MYBBP1A: variants seen among roughly 807,000 people sequenced by gnomAD.
MYBBP1A encodes the protein myb-binding protein 1A.
Under a neutral mutation model 136.3 loss-of-function variants are expected in MYBBP1A, and 147 were observed. The observed-to-expected ratio is 1.08, with a 90% confidence interval of 0.94 to 1.24. The LOEUF is 1.24. Ranked by LOEUF, MYBBP1A falls within the 50% of genes most tolerant of loss-of-function variation. The probability of loss-of-function intolerance (pLI) is 0.00; values close to 1 mark genes in which losing one functional copy is unlikely to be tolerated. For missense variants in MYBBP1A, 2,060 were observed against 1,727.4 expected (o/e 1.19, Z -3.41); for synonymous variants, 947 against 735.8 (o/e 1.29, Z -4.65).
At chr17:4,551,338 A>G (rs916876666) in intron 8 of MYBBP1A, among the ~76,000 whole-genome samples, 2 of 152,238 alleles carry the variant, frequency 1.3e-5, no homozygotes, top group African/African-American at 4.8e-5. Flanking sequence ...GCGGGGGCGG[A>G]GAGAGGTCTG....
intron 13 of MYBBP1A, among the ~76,000 whole-genome samples, chr17:4,547,289 G>C (rs1395275387): frequency 6.6e-6 from 1 of 152,294 alleles, no homozygotes; most frequent in African/African-American, 2.4e-5. Context: ...TCCCAAGGCT[G>C]GGGGCAGGCT....
In MYBBP1A at chr17:4,554,549, G is replaced by A. The variant is rs527642813; in HGVS notation, c.295-271C>T. ...CTGCCCCTTGTCAAGGCGCCTCAGA[G>A]AGTGGTCTACTCCAATCAGCTGAAT... On this transcript the variant is annotated intron_variant, in intron 2 of 25. Coordinates refer to ENST00000254718, the MANE Select transcript of MYBBP1A (RefSeq NM_014520.4). Among the ~76,000 whole-genome samples the A allele has an allele frequency of 6.1e-4, 93 of 152,302 alleles. No homozygotes were observed. The South Asian group carries it at 0.014, about 23-fold the overall frequency.
chr17:4,540,516 C>A, intron 24 of MYBBP1A, 32 bp from the exon 25 acceptor site: 3 of 1,578,322 alleles, frequency 1.9e-6, no homozygotes, highest in Admixed American at 1.7e-5. Flanking sequence ...AGCTGTGGGG[C>A]CACAGAGGGC....
Position 4,548,236 on chromosome 17 carries a change from T to A in MYBBP1A, c.1631A>T (p.His544Leu). 1.2e-6 allele frequency: 2 copies of A among 1,611,528 alleles called. No individual in the cohort carries two copies. Among genetic ancestry groups the A allele is most frequent in the Non-Finnish European group, 8.5e-7 (1 of 1,179,990 alleles). Residue 544 changes from histidine to leucine, a missense_variant, in exon 12 of 26, where the codon CAC (histidine) becomes CTC (leucine). Coordinates refer to ENST00000254718, the MANE Select transcript of MYBBP1A (RefSeq NM_014520.4). This position sits in a 1 kb window ranked among gnomAD's most constrained non-coding sequence, Gnocchi z 4.2. ...QTQGGQPWTY[H>L]LVQFADLLLN... is the part of the protein sequence containing the mutation. ...CAGGAGGTCTGCGAACTGCACCAGG[T>A]GGTAGGTCCAGGGCTGCCCACCCTG...
Position 4,545,008 on chromosome 17 carries a change from T to TC in MYBBP1A, c.2310+17dup, listed in dbSNP as rs1906858613. On this transcript the variant is annotated intron_variant, in intron 17 of 25. Coordinates refer to ENST00000254718, the MANE Select transcript of MYBBP1A (RefSeq NM_014520.4). The stretch of plus-strand genomic sequence containing the variant: ...CGAGCCCTCCCCGGCCGCCCCCCCC[T>TC]CCACCTCCCCCACTCACCAGCGCCT... 6 of 157,538 alleles carry TC rather than the reference T, an allele frequency of 3.8e-5. No homozygotes were observed. The highest frequency in any genetic ancestry group is 5.6e-5 in the Non-Finnish European group (6 of 106,340). 9.8% of individuals were successfully genotyped at this position (157,538 alleles called of 1,614,324 possible).
In MYBBP1A at chr17:4,539,108, T is replaced by C; in HGVS notation, c.*307A>G. On this transcript the variant is annotated 3_prime_UTR_variant, in exon 26 of 26. Coordinates refer to ENST00000254718, the MANE Select transcript of MYBBP1A (RefSeq NM_014520.4). ...GGCAGGCACGAGAGATGGTCACACCTGCCTGCAGCCAGCACATCAACCTGC... is the reference window on the plus strand; with the variant it reads ...GGCAGGCACGAGAGATGGTCACACCCGCCTGCAGCCAGCACATCAACCTGC... The C allele has an allele frequency of 3.3e-6, 5 of 1,517,784 alleles. No homozygotes were observed. In the South Asian group the frequency reaches 6.1e-5, roughly 18 times the overall value. The allele number at this position is 1,517,784 out of a possible 1,614,324, so 94.0% of individuals were successfully genotyped here.
intron 8 of MYBBP1A, 49 bp from the exon 9 acceptor site, chr17:4,550,402 C>T (rs1415241480): frequency 3.2e-6 from 5 of 1,557,116 alleles, no homozygotes; most frequent in East Asian, 2.3e-5. Context: ...GGGGGGCAGG[C>T]GGTTAACAAC....
At chr17:4,553,958 C>G (rs377463661) in intron 4 of MYBBP1A, 41 bp from the exon 5 acceptor site, 1 of 1,613,196 alleles carries the variant, frequency 6.2e-7, no homozygotes, top group African/African-American at 1.3e-5. Flanking sequence ...GCAGGGCACA[C>G]GACTGTCCCC....
rs1906084889 is a variant in MYBBP1A at position 4,539,109 on chromosome 17, G to A, written c.*306C>T. The A allele has an allele frequency of 4.6e-6, 7 of 1,512,246 alleles. No homozygotes were observed. The highest frequency in any genetic ancestry group is 6.2e-6 in the Non-Finnish European group (7 of 1,125,082). 93.7% of individuals were successfully genotyped at this position (1,512,246 alleles called of 1,614,324 possible). A position where few individuals can be genotyped will look rare whatever the true frequency, so the allele number is the denominator to read the frequency against. On this transcript the variant is annotated 3_prime_UTR_variant, in exon 26 of 26. Transcript: ENST00000254718. ...GCAGGCACGAGAGATGGTCACACCT[G>A]CCTGCAGCCAGCACATCAACCTGCA...
intron 19 of MYBBP1A, 98 bp downstream of exon 19, chr17:4,544,391 C>T (rs2144445749): frequency 1.4e-6 from 2 of 1,475,756 alleles, no homozygotes; most frequent in South Asian, 2.6e-5. Flanking sequence ...GGAAGCTTGG[C>T]TCTCTCCTTC....
chr17:4,539,548 C>A lies in MYBBP1A; in HGVS notation c.3854G>T (p.Gly1285Val), dbSNP rs746495821. The change falls in exon 26 of 26, where the codon GGG becomes GTG. Residue 1285 changes from glycine (G) to valine (V), a missense_variant. Coordinates refer to ENST00000254718, the MANE Select transcript of MYBBP1A (RefSeq NM_014520.4). ...GGACAGTGGTGATTTGCCCAAGACC[C>A]CCTTTTTGGGAAGAGCCTTCTGATG... ...KQHQKALPKK[G>V]VLGKSPLSAL... 1.2e-6 allele frequency: 2 copies of A among 1,614,134 alleles called. No individual in the cohort carries two copies. Among genetic ancestry groups the A allele is most frequent in the Admixed American group, 3.3e-5 (2 of 60,016 alleles).
intron 13 of MYBBP1A, chr17:4,547,754 G>A (rs1289568803): frequency 4.0e-6 from 2 of 493,990 alleles, no homozygotes; most frequent in African/African-American, 3.9e-5. Context: ...GATCCTGCAT[G>A]GAAAGCCTAG....
chr17:4,542,010 T>C (rs1414843864), intron 22 of MYBBP1A, 119 bp from the exon 23 acceptor site: 4 of 722,436 alleles, frequency 5.5e-6, no homozygotes, highest in African/African-American at 5.3e-5. Flanking sequence ...TGAGGCTGCC[T>C]GCTGCTCTGG....
intron 15 of MYBBP1A, 32 bp from the exon 16 acceptor site, chr17:4,545,377 G>A (rs1567608070): frequency 1.9e-6 from 3 of 1,609,720 alleles, no homozygotes; most frequent in Admixed American, 1.7e-5. Flanking sequence ...TGACCCATTT[G>A]CAGCCCCCGC....
Position 4,548,634 on chromosome 17 carries a change from GT to G in MYBBP1A, c.1445del (p.His482ProfsTer72). ...TEQVARFCLF[H>X]SFFVTKKPTS... The stretch of plus-strand genomic sequence containing the variant: ...TGGGCTTCTTTGTGACAAAGAACGA[GT>G]GGAACAAACAAAACCTGGGGAGGGT... On this transcript the variant is annotated frameshift_variant, in exon 11 of 26. Transcript: ENST00000254718. LOFTEE classifies it high-confidence loss of function. The surrounding 1 kb of genome is among the most constrained non-coding windows in gnomAD (Gnocchi z 4.2). 6.2e-7 allele frequency: 1 copy of G among 1,614,208 alleles called. No homozygotes were observed. Among genetic ancestry groups the G allele is most frequent in the South Asian group, 1.1e-5 (1 of 91,086 alleles).
rs545704091 is a variant in MYBBP1A, at chr17:4,541,593, T to C, written c.3196-29A>G. ...GGGAAGGGTGGCCAGGCTGAGGCAC[T>C]CCGGAGAGCTGCTCAAAGCCTTTCT... is the stretch of plus-strand genomic sequence containing the variant. On this transcript the variant is annotated intron_variant, in intron 23 of 25. Coordinates refer to ENST00000254718, the MANE Select transcript of MYBBP1A (RefSeq NM_014520.4). 7.6e-5 allele frequency: 122 copies of C among 1,598,418 alleles called. 2 individuals are homozygous for C. In the South Asian group the frequency reaches 1.3e-3, roughly 16 times the overall value.
rs899681216 is a variant in MYBBP1A, at chr17:4,549,447, C to T, written c.1320-5G>A. 1.6e-5 allele frequency: 26 copies of T among 1,611,080 alleles called. No homozygotes were observed. Among genetic ancestry groups the T allele is most frequent in the African/African-American group, 5.3e-5 (4 of 74,850 alleles). On this transcript the variant is annotated splice_polypyrimidine_tract_variant and splice_region_variant and intron_variant, in intron 9 of 25. Coordinates refer to ENST00000254718, the MANE Select transcript of MYBBP1A (RefSeq NM_014520.4). ...CGGAACACAGCTCGCTCAGGCCTAG[C>T]GGGGCAGGAGGCGAGGTCATGTGAG...
In MYBBP1A at chr17:4,539,054, A is replaced by G. The variant is rs1405129533; in HGVS notation, c.*361T>C. On this transcript the variant is annotated 3_prime_UTR_variant, in exon 26 of 26. Coordinates refer to ENST00000254718, the MANE Select transcript of MYBBP1A (RefSeq NM_014520.4). ...TAAATCACCCCCTGGTGGCTCCCTC[A>G]CAGCAAAAAAGCCTGGGGGCAAAGA... 3 of 1,149,402 alleles carry G rather than the reference A, an allele frequency of 2.6e-6. No individual in the cohort carries two copies. Among genetic ancestry groups the G allele is most frequent in the Non-Finnish European group, 3.9e-6 (3 of 761,660 alleles). 71.2% of individuals were successfully genotyped at this position (1,149,402 alleles called of 1,614,324 possible).
intron 2 of MYBBP1A, 38 bp from the exon 3 acceptor site, chr17:4,554,316 G>A: frequency 1.3e-6 from 2 of 1,581,632 alleles, no homozygotes; most frequent in Admixed American, 1.7e-5. Flanking sequence ...GAGGGTTCAG[G>A]AGAGTGGCCC....
Sources: allele counts gnomAD v4.1 joint callset (sites outside exome capture counted in the v4.1 genomes callset), GRCh38; gene constraint gnomAD v4.1.1; non-coding constraint Gnocchi (gnomAD v3.1); transcripts MANE v1.5; gene names NCBI Gene and HGNC (gene_info 2026-07-23, HGNC 2026-07-21).